The following MANBA variants were observed in gnomAD, a reference collection of about 807,000 sequenced individuals.
MANBA encodes beta-mannosidase.
In MANBA, 83 loss-of-function variants were observed where a neutral mutation model predicts 111.1. That is an observed-to-expected ratio of 0.75 (90% confidence interval 0.63 to 0.90). The LOEUF (loss-of-function observed/expected upper bound fraction) is 0.90, where lower values mean the gene tolerates loss of function less well. Among genes scored for constraint, MANBA ranks in the 40% least tolerant of loss-of-function variants. The pLI, the probability that MANBA is intolerant of heterozygous loss-of-function variation, is 0.00. For synonymous variants in MANBA, 370 were observed against 378.7 expected (o/e 0.98, Z 0.27); for missense variants, 1,036 against 1,069.0 (o/e 0.97, Z 0.43).
chr4:102,723,106 G>C (rs984582531), intron 3 of MANBA, 65 bp from the exon 4 acceptor site: 15 of 1,431,060 alleles, frequency 1.0e-5, no homozygotes, highest in Non-Finnish European at 1.4e-5. Context: ...TAAAATTTTA[G>C]ATAAAGGCAT....
chr4:102,641,599 A>C (rs751906592), intron 13 of MANBA, among the ~76,000 whole-genome samples: 5 of 152,164 alleles, frequency 3.3e-5, no homozygotes, highest in Non-Finnish European at 7.4e-5. Flanking sequence ...AAAATGTTCT[A>C]AAGCAAGAAT....
At chr4:102,669,672 C>T (rs559570563) in intron 9 of MANBA, among the ~76,000 whole-genome samples, 3 of 152,026 alleles carry the variant, frequency 2.0e-5, no homozygotes, top group African/African-American at 7.3e-5. Context: ...TGGTGAAACC[C>T]GGTCTCTACT....
At chr4:102,663,372 A>G (rs1731056764) in intron 11 of MANBA, among the ~76,000 whole-genome samples, 1 of 152,238 alleles carries the variant, frequency 6.6e-6, no homozygotes, top group South Asian at 2.1e-4. Context: ...AAGCCTGCAT[A>G]CTTAACCACT....
In MANBA at chr4:102,664,727, A is replaced by G; in HGVS notation, c.1443T>C (p.Tyr481=). ...TGATGTTTTTCACATAGAGTGTCACATAGTCCTTGATGTAGATTGGCCGGT... is the reference window on the plus strand; with the variant it reads ...TGATGTTTTTCACATAGAGTGTCACGTAGTCCTTGATGTAGATTGGCCGGT... ...FTDRPIYIKD[Y]VTLYVKNIRE... The change falls in exon 11 of 17, where the codon TAT becomes TAC. Residue 481 remains tyrosine (Y), a synonymous_variant. Coordinates refer to ENST00000647097, the MANE Select transcript of MANBA (RefSeq NM_005908.4). The G allele has an allele frequency of 1.2e-6, 2 of 1,613,460 alleles. No homozygotes were observed. Among genetic ancestry groups the G allele is most frequent in the Middle Eastern group, 1.6e-4 (1 of 6,062 alleles).
intron 1 of MANBA, chr4:102,751,516 A>T: frequency 1.9e-6 from 1 of 532,072 alleles, no homozygotes. Context: ...ATCATCAATA[A>T]ATTACTAAAG....
chr4:102,690,451 T>A, intron 6 of MANBA, 145 bp downstream of exon 6: 1 of 704,606 alleles, frequency 1.4e-6, no homozygotes, highest in Non-Finnish European at 2.4e-6. Context: ...AGAAAATATA[T>A]GAGAGACTAA....
chr4:102,668,739 C>T (rs1185390209), intron 10 of MANBA: 3 of 509,312 alleles, frequency 5.9e-6, no homozygotes, highest in East Asian at 3.6e-5. Context: ...AAGAGGAATT[C>T]AGCAGAGAAA....
chr4:102,689,834 C>T lies in MANBA; in HGVS notation c.850-150G>A, dbSNP rs2110242954. The T allele has an allele frequency of 4.8e-6, 3 of 624,522 alleles. No individual in the cohort carries two copies. The Admixed American group carries it at 8.3e-5, about 17-fold the overall frequency. 38.7% of individuals were successfully genotyped at this position (624,522 alleles called of 1,614,324 possible). A position where few individuals can be genotyped will look rare whatever the true frequency, so the allele number is the denominator to read the frequency against. On this transcript the variant is annotated intron_variant, in intron 6 of 16. Coordinates refer to ENST00000647097, the MANE Select transcript of MANBA (RefSeq NM_005908.4). ...CCCACCTATATTATGCCCAATCAGA[C>T]CAATTCATTGATAATATTTAAAAAT...
chr4:102,754,907 A>T (rs569199319), intron 1 of MANBA, among the ~76,000 whole-genome samples: 2 of 152,328 alleles, frequency 1.3e-5, no homozygotes, highest in South Asian at 4.1e-4. Flanking sequence ...GCATTAAAAA[A>T]ATTAGAATGG....
At chr4:102,648,264 G>A (rs1447934326) in intron 13 of MANBA, among the ~76,000 whole-genome samples, 4 of 152,074 alleles carry the variant, frequency 2.6e-5, no homozygotes, top group Non-Finnish European at 4.4e-5. Flanking sequence ...ACGAAGATTT[G>A]TATATGAGTA....
At chr4:102,760,279 C>A (rs1316861373) in intron 1 of MANBA, among the ~76,000 whole-genome samples, 1 of 152,124 alleles carries the variant, frequency 6.6e-6, no homozygotes, top group Admixed American at 6.5e-5. Context: ...CGCTTAACAG[C>A]GAAAATAAAA....
chr4:102,635,012 C>T lies in MANBA; in HGVS notation c.2191G>A (p.Val731Met), dbSNP rs150554352. Residue 731 changes from valine (V) to methionine (M), a missense_variant, in exon 16 of 17, where the codon GTG becomes ATG. By Grantham distance (21) the Val-to-Met change is conservative (BLOSUM62 1). Coordinates refer to ENST00000647097, the MANE Select transcript of MANBA (RefSeq NM_005908.4). Reference protein sequence around the residue: ...RVHTWSSLEPVCSRVTERFVM... With the variant: ...RVHTWSSLEPMCSRVTERFVM... ...AAACGTTCAGTCACACGAGAGCACA[C>T]GGGCTCCAGGGAGCTCCATGTATGG... is the stretch of plus-strand genomic sequence containing the variant. 1,964 of 1,614,122 alleles carry T rather than the reference C, an allele frequency of 1.2e-3. 9 individuals are homozygous for T. Among genetic ancestry groups the T allele is most frequent in the Non-Finnish European group, 8.0e-4 (944 of 1,179,952 alleles).
At chr4:102,737,067 C>T (rs1723241186) in intron 1 of MANBA, among the ~76,000 whole-genome samples, 1 of 152,096 alleles carries the variant, frequency 6.6e-6, no homozygotes, top group African/African-American at 2.4e-5. Flanking sequence ...GAGTCCCCAG[C>T]TTGAGTCCAG....
At chr4:102,659,260 T>C (rs1730808093) in intron 11 of MANBA, among the ~76,000 whole-genome samples, 1 of 152,186 alleles carries the variant, frequency 6.6e-6, no homozygotes, top group Non-Finnish European at 1.5e-5. Flanking sequence ...ATAAGTATGA[T>C]GAATATTTTG....
At chr4:102,748,577 C>T (rs1356822388) in intron 1 of MANBA, among the ~76,000 whole-genome samples, 10 of 152,084 alleles carry the variant, frequency 6.6e-5, no homozygotes, top group Non-Finnish European at 1.5e-4. Context: ...GGAACTGGAC[C>T]TAGAAGACAG....
chr4:102,646,866 A>C (rs1730127639), intron 13 of MANBA, among the ~76,000 whole-genome samples: 3 of 152,142 alleles, frequency 2.0e-5, no homozygotes, highest in Non-Finnish European at 4.4e-5. Flanking sequence ...TTTGGCTATA[A>C]GACAAAGAGA....
intron 16 of MANBA, among the ~76,000 whole-genome samples, chr4:102,632,908 G>A (rs1331745145): frequency 6.6e-6 from 1 of 152,228 alleles, no homozygotes; most frequent in Non-Finnish European, 1.5e-5. Flanking sequence ...TATGCCCAGA[G>A]TGAGGATGCG....
chr4:102,668,083 T>C (rs1431636341), intron 10 of MANBA: 1 of 152,196 alleles, frequency 6.6e-6, no homozygotes, highest in East Asian at 1.9e-4. Context: ...TTGACAAGCA[T>C]CCCACTCTGA....
intron 1 of MANBA, chr4:102,730,833 T>A (rs923790520): frequency 1.7e-5 from 7 of 400,208 alleles, no homozygotes; most frequent in African/African-American, 6.2e-5. Context: ...ACTATCTTGT[T>A]CTTCCTTGCG....
Sources: gnomAD v4.1 joint callset for allele counts (sites outside exome capture counted in the v4.1 genomes callset) on GRCh38, gnomAD v4.1.1 for gene constraint, MANE v1.5 for transcripts, NCBI Gene and HGNC (gene_info 2026-07-23, HGNC 2026-07-21) for gene names.